The following KLHL8 variants were observed in gnomAD, a reference collection of about 807,000 sequenced individuals.
The protein encoded by KLHL8 is kelch like family member 8.
Under a neutral mutation model 63.5 loss-of-function variants are expected in KLHL8, and 38 were observed. That is an observed-to-expected ratio of 0.60 (90% CI 0.46 to 0.78). The LOEUF (loss-of-function observed/expected upper bound fraction) is 0.78. Ranked by LOEUF, KLHL8 falls within the 30% of genes least tolerant of loss-of-function variation. The pLI is 0.00. For missense variants in KLHL8, 566 were observed against 752.4 expected (o/e 0.75, Z 2.90); for synonymous variants, 224 against 254.3 (o/e 0.88, Z 1.13).
rs1730212547 is a variant in KLHL8, at chr4:87,162,510, A to C, written c.*1009T>G. On this transcript the variant is annotated 3_prime_UTR_variant, in exon 10 of 10. Coordinates refer to ENST00000273963, the MANE Select transcript of KLHL8 (RefSeq NM_020803.5). ...AACTAATCAATAAACTACAGTCTAC[A>C]AAAAGGTTTTTGTAAAAATGCATTC... is the stretch of plus-strand genomic sequence containing the variant. 6.6e-6 allele frequency: 1 copy of C among 152,258 alleles called. No homozygotes were observed. Among genetic ancestry groups the C allele is most frequent in the South Asian group, 2.1e-4 (1 of 4,834 alleles). The allele number at this position is 152,258 out of a possible 1,614,324, so 9.4% of individuals were successfully genotyped here.
At chr4:87,210,874 C>G (rs2110044535) in intron 1 of KLHL8, among the ~76,000 whole-genome samples, 1 of 152,310 alleles carries the variant, frequency 6.6e-6, no homozygotes, top group East Asian at 1.9e-4. Context: ...AAACATCTTC[C>G]TATTCCTAGT....
intron 1 of KLHL8, among the ~76,000 whole-genome samples, chr4:87,196,085 G>A (rs532176226): frequency 5.1e-4 from 77 of 151,726 alleles, no homozygotes; most frequent in African/African-American, 1.8e-3. Context: ...AAAGTGCTGG[G>A]ATTACATGCT....
At chr4:87,224,865 C>A (rs1732944550), upstream of KLHL8, among the ~76,000 whole-genome samples, 1 of 151,942 alleles carries the variant, frequency 6.6e-6, no homozygotes, top group African/African-American at 2.4e-5. Context: ...CTTTGCTGAC[C>A]ATTTTCTGAT....
intron 1 of KLHL8, chr4:87,207,855 C>A: frequency 6.6e-7 from 1 of 1,514,214 alleles, no homozygotes; most frequent in Non-Finnish European, 9.1e-7. Context: ...AATATGATGA[C>A]ATCAAGAAGG....
At chr4:87,229,445 G>T (rs1002210529) in intron 1 of KLHL8, among the ~76,000 whole-genome samples, 28 of 150,720 alleles carry the variant, frequency 1.9e-4, no homozygotes, top group East Asian at 7.8e-4. Context: ...TGGTGGGGGG[G>T]GGTGCAGGGA....
chr4:87,183,818 T>C (rs957768544), intron 3 of KLHL8, among the ~76,000 whole-genome samples: 2 of 152,190 alleles, frequency 1.3e-5, no homozygotes, highest in African/African-American at 4.8e-5. Context: ...AGATTAAACA[T>C]AGGGAAATGT....
chr4:87,166,152 A>G (rs1730391120), intron 8 of KLHL8, among the ~76,000 whole-genome samples: 1 of 152,226 alleles, frequency 6.6e-6, no homozygotes, highest in Admixed American at 6.5e-5. Context: ...GAACATGAGT[A>G]AATTATTCAT....
chr4:87,187,235 A>C (rs1019478782), intron 2 of KLHL8, among the ~76,000 whole-genome samples: 1 of 151,828 alleles, frequency 6.6e-6, no homozygotes, highest in African/African-American at 2.4e-5. Flanking sequence ...GAGTGTTGTT[A>C]TTGTTGTTGT....
intron 1 of KLHL8, among the ~76,000 whole-genome samples, chr4:87,201,188 G>T (rs989601805): frequency 2.0e-5 from 3 of 152,180 alleles, no homozygotes; most frequent in African/African-American, 7.2e-5. Context: ...CTAGAGATCT[G>T]CTGGACAACA....
chr4:87,226,662 T>TAA lies in KLHL8; in HGVS notation n.58-5273_58-5272insTT, dbSNP rs1281134940. ...ATAAATAATATATATATTACTTATA[T>TAA]ATAATATATATTATTTATATATAAT... On this transcript the variant is annotated intron_variant and non_coding_transcript_variant, in intron 1 of 1. Transcript: ENST00000506274. Among the ~76,000 whole-genome samples, 8 of 44,974 alleles carry TAA rather than the reference T, an allele frequency of 1.8e-4. 1 individual carries two copies. The highest frequency in any genetic ancestry group is 2.0e-3 in the East Asian group (2 of 1,018). 29.5% of individuals were successfully genotyped at this position (44,974 alleles called of 152,430 possible). A position where few individuals can be genotyped will look rare whatever the true frequency, so the allele number is the denominator to read the frequency against.
chr4:87,231,397 A>C (rs1314917039), intron 1 of KLHL8, among the ~76,000 whole-genome samples: 3 of 152,144 alleles, frequency 2.0e-5, no homozygotes, highest in Non-Finnish European at 4.4e-5. Context: ...GGGTAACCCA[A>C]CCTAAGACAG....
At chr4:87,184,562 CTTCTT>C (rs746131489) in intron 3 of KLHL8, among the ~76,000 whole-genome samples, 18 of 152,050 alleles carry the variant, frequency 1.2e-4, no homozygotes, top group Admixed American at 6.5e-4. Context: ...TAAGAACACT[CTTCTT>C]TTAAGTAGCA....
At chr4:87,182,303 A>G (rs950599283) in intron 4 of KLHL8, among the ~76,000 whole-genome samples, 2 of 151,990 alleles carry the variant, frequency 1.3e-5, no homozygotes, top group Non-Finnish European at 2.9e-5. Context: ...TTTCATGTTA[A>G]ACTAATTATC....
chr4:87,208,278 C>T (rs1732238294), intron 1 of KLHL8, among the ~76,000 whole-genome samples: 1 of 151,890 alleles, frequency 6.6e-6, no homozygotes, highest in Non-Finnish European at 1.5e-5. Flanking sequence ...ATAAAGTCCC[C>T]TATGCTTAGC....
At chr4:87,211,428 A>T (rs550332385) in intron 1 of KLHL8, among the ~76,000 whole-genome samples, 1 of 152,214 alleles carries the variant, frequency 6.6e-6, no homozygotes, top group African/African-American at 2.4e-5. Context: ...GAAAAACTGT[A>T]TAATAGCTTC....
intron 1 of KLHL8, among the ~76,000 whole-genome samples, chr4:87,227,634 T>A (rs1436926233): frequency 6.6e-6 from 1 of 152,072 alleles, no homozygotes; most frequent in African/African-American, 2.4e-5. Flanking sequence ...GAGCAACAAA[T>A]CCAGACCTCG....
intron 1 of KLHL8, among the ~76,000 whole-genome samples, chr4:87,200,921 A>C (rs1435052395): frequency 1.3e-5 from 2 of 152,212 alleles, no homozygotes; most frequent in African/African-American, 4.8e-5. Flanking sequence ...GGAAAAAGAA[A>C]ATGTGATTTA....
At chr4:87,193,439 C>T (rs1250039539) in intron 2 of KLHL8, among the ~76,000 whole-genome samples, 5 of 152,166 alleles carry the variant, frequency 3.3e-5, no homozygotes, top group Non-Finnish European at 7.4e-5. Flanking sequence ...CTCTTGAATA[C>T]CTTCTGAAGG....
At chr4:87,171,039 G>A (rs2869644) in intron 6 of KLHL8, among the ~76,000 whole-genome samples, 2 of 151,778 alleles carry the variant, frequency 1.3e-5, no homozygotes, top group East Asian at 3.9e-4. Context: ...TTTGTTGCAG[G>A]GTTTCATTAT....
Sources: gnomAD v4.1 joint callset for allele counts (sites outside exome capture counted in the v4.1 genomes callset) on GRCh38, gnomAD v4.1.1 for gene constraint, MANE v1.5 for transcripts, NCBI Gene and HGNC (gene_info 2026-07-23, HGNC 2026-07-21) for gene names.